Variants in EPHA6 observed in about 807,000 individuals in gnomAD.
EPHA6 encodes EPH receptor A6, also known as ephrin type-A receptor 6.
In EPHA6, 50 loss-of-function variants were observed where a neutral mutation model predicts 112.0. That is an observed-to-expected ratio of 0.45 (90% CI 0.36 to 0.56). The LOEUF is 0.56. Ranked by LOEUF, EPHA6 falls within the 20% of genes least tolerant of loss-of-function variation. EPHA6 has a pLI of 0.00. For missense variants in EPHA6, 1,280 were observed against 1,417.4 expected, an observed-to-expected ratio of 0.90 and a Z score of 1.56; for synonymous variants, 529 against 490.7, an observed-to-expected ratio of 1.08 and a Z score of -1.03.
intron 5 of EPHA6, among the ~76,000 whole-genome samples, chr3:97,370,742 C>A (rs1360804631): frequency 6.6e-6 from 1 of 152,054 alleles, no homozygotes; most frequent in Non-Finnish European, 1.5e-5. Flanking sequence ...CTGTGCTAAG[C>A]TTTGTACTAT....
chr3:97,598,162 A>T (rs1269228569), intron 12 of EPHA6, among the ~76,000 whole-genome samples: 6 of 150,356 alleles, frequency 4.0e-5, no homozygotes, highest in Admixed American at 2.6e-4. Flanking sequence ...TTATTTATTT[A>T]TTTTTTTTGG....
At chr3:96,956,443 C>A (rs2041762991) in intron 2 of EPHA6, among the ~76,000 whole-genome samples, 1 of 152,142 alleles carries the variant, frequency 6.6e-6, no homozygotes, top group Admixed American at 6.5e-5. Flanking sequence ...ATACAACTGT[C>A]AGGTTTTTGA....
intron 3 of EPHA6, among the ~76,000 whole-genome samples, chr3:97,070,949 C>T (rs1452742059): frequency 6.6e-6 from 1 of 151,988 alleles, no homozygotes; most frequent in South Asian, 2.1e-4. Flanking sequence ...ATAATGTTTG[C>T]CATTTATTCA....
chr3:96,873,334 C>T (rs2036750699), intron 2 of EPHA6, among the ~76,000 whole-genome samples: 1 of 151,838 alleles, frequency 6.6e-6, no homozygotes, highest in South Asian at 2.1e-4. Flanking sequence ...CAGTGCTTTA[C>T]CCGCTGATCT....
intron 3 of EPHA6, among the ~76,000 whole-genome samples, chr3:97,018,134 T>A (rs2044328453): frequency 6.6e-6 from 1 of 151,864 alleles, no homozygotes; most frequent in Admixed American, 6.6e-5. Flanking sequence ...TCTGCTTGAT[T>A]CTTTTAAATT....
intron 11 of EPHA6, among the ~76,000 whole-genome samples, chr3:97,569,253 G>A (rs563249938): frequency 6.6e-6 from 1 of 152,156 alleles, no homozygotes; most frequent in South Asian, 2.1e-4. Flanking sequence ...TCTCCATGAT[G>A]TATCTCAACA....
chr3:97,573,591 T>A (rs1387346622), intron 11 of EPHA6, among the ~76,000 whole-genome samples: 1 of 151,916 alleles, frequency 6.6e-6, no homozygotes, highest in Admixed American at 6.5e-5. Flanking sequence ...TTTATTTTTT[T>A]AAATTTTATT....
chr3:97,036,165 CT>C (rs1486561774), intron 3 of EPHA6, among the ~76,000 whole-genome samples: 1 of 151,920 alleles, frequency 6.6e-6, no homozygotes. Context: ...GCCACCCAGC[CT>C]ATGATATTTT....
chr3:96,814,887 AAG>A lies in EPHA6; in HGVS notation c.269_270del (p.Glu90AlafsTer2). 4 of 1,554,844 alleles carry A rather than the reference AAG, an allele frequency of 2.6e-6. No homozygotes were observed. Among genetic ancestry groups the A allele is most frequent in the Non-Finnish European group, 2.6e-6 (3 of 1,148,538 alleles). On this transcript the variant is annotated frameshift_variant, in exon 1 of 18. Coordinates refer to ENST00000389672, the MANE Select transcript of EPHA6 (RefSeq NM_001080448.3). LOFTEE classifies it high-confidence loss of function. ...GCCACTTCTCTTTAAGGGAGAGGAA[AAG>A]AGAGCCTAGGAGAACCATGGGGGGC... ...CRHFSLRERKREPRRTMGGCE... is the reference protein window; with the variant it reads ...CRHFSLRERKXEPRRTMGGCE...
chr3:97,044,643 G>A (rs1314909294), intron 3 of EPHA6, among the ~76,000 whole-genome samples: 1 of 151,550 alleles, frequency 6.6e-6, no homozygotes, highest in Admixed American at 6.6e-5. Context: ...AAATAACAAA[G>A]GGAAGAAAGG....
chr3:97,612,406 A>G, intron 13 of EPHA6: 1 of 427,332 alleles, frequency 2.3e-6, no homozygotes, highest in Non-Finnish European at 4.7e-6. Context: ...TATAATGGCA[A>G]ACAGTGTAGC....
At chr3:96,868,314 C>T (rs1232196208) in intron 2 of EPHA6, among the ~76,000 whole-genome samples, 1 of 151,456 alleles carries the variant, frequency 6.6e-6, no homozygotes. Flanking sequence ...GGATAGATTA[C>T]TGGTACTAAT....
At chr3:97,745,732 G>C (rs115836100) in intron 16 of EPHA6, among the ~76,000 whole-genome samples, 1 of 151,772 alleles carries the variant, frequency 6.6e-6, no homozygotes, top group East Asian at 1.9e-4. Context: ...GGCCTTCCAA[G>C]GGCACCTTTC....
chr3:97,005,344 C>G (rs1325332920), intron 3 of EPHA6, among the ~76,000 whole-genome samples: 5 of 151,934 alleles, frequency 3.3e-5, no homozygotes, highest in Non-Finnish European at 7.4e-5. Context: ...CCCTTGTTAG[C>G]TGTATTCCTA....
chr3:97,319,688 C>CA (rs796603114), intron 5 of EPHA6, among the ~76,000 whole-genome samples: 165 of 129,030 alleles, frequency 1.3e-3, no homozygotes, highest in Middle Eastern at 7.5e-3. Flanking sequence ...AAACAAAAAA[C>CA]AAAAAAAAAA....
At chr3:97,713,311 C>T (rs895958816) in intron 14 of EPHA6, among the ~76,000 whole-genome samples, 3 of 152,112 alleles carry the variant, frequency 2.0e-5, no homozygotes, top group African/African-American at 4.8e-5. Context: ...AGTTGGTGAG[C>T]TCTGGGTTCA....
At chr3:97,675,251 G>A in intron 14 of EPHA6, among the ~76,000 whole-genome samples, 1 of 152,158 alleles carries the variant, frequency 6.6e-6, no homozygotes, top group Admixed American at 6.5e-5. Flanking sequence ...GGCTGAGGCA[G>A]GTGGATCACT....
chr3:97,089,309 G>T (rs75388107), intron 3 of EPHA6, among the ~76,000 whole-genome samples: 15,017 of 152,078 alleles, frequency 0.099, 1,218 homozygotes, highest in Admixed American at 0.22. Flanking sequence ...ATAAGATGCT[G>T]AATATTACAT....
chr3:97,449,415 A>C (rs1221093170), intron 7 of EPHA6, among the ~76,000 whole-genome samples: 1 of 152,136 alleles, frequency 6.6e-6, no homozygotes, highest in Non-Finnish European at 1.5e-5. Flanking sequence ...AAAGTGGTCA[A>C]ATATATAAGA....
Sources: gnomAD v4.1 joint callset for allele counts (sites outside exome capture counted in the v4.1 genomes callset) on GRCh38, gnomAD v4.1.1 for gene constraint, MANE v1.5 for transcripts, NCBI Gene and HGNC (gene_info 2026-07-23, HGNC 2026-07-21) for gene names.